Variants in NBEA observed in about 807,000 individuals in gnomAD.
The protein encoded by NBEA is lysosomal-trafficking regulator 2.
In NBEA, 44 loss-of-function variants were observed where a neutral mutation model predicts 343.4. The ratio of observed to expected loss-of-function variants is 0.13; its 90% CI spans 0.10 to 0.16. The LOEUF is 0.16. Ranked by LOEUF, NBEA falls within the 10% of genes least tolerant of loss-of-function variation. NBEA has a pLI of 1.00. For missense variants in NBEA, 2,555 were observed against 3,631.3 expected (o/e 0.70, Z 7.62); for synonymous variants, 1,175 against 1,238.7 (o/e 0.95, Z 1.08).
At chr13:35,102,350 A>G (rs1490078618) in intron 11 of NBEA, among the ~76,000 whole-genome samples, 1 of 151,630 alleles carries the variant, frequency 6.6e-6, no homozygotes, top group Non-Finnish European at 1.5e-5. Flanking sequence ...ATTTAAGAGT[A>G]TGTCATCTAG....
intron 38 of NBEA, among the ~76,000 whole-genome samples, chr13:35,426,920 C>G (rs1325739416): frequency 6.6e-6 from 1 of 152,154 alleles, no homozygotes; most frequent in Non-Finnish European, 1.5e-5. Context: ...TCCAGTTGAT[C>G]GCATCGGCTA....
At chr13:35,194,007 CAAAAG>C (rs1372696678) in intron 30 of NBEA, among the ~76,000 whole-genome samples, 5 of 151,472 alleles carry the variant, frequency 3.3e-5, no homozygotes, top group South Asian at 2.1e-4. Flanking sequence ...TAATTTGACT[CAAAAG>C]AAAAGGGGGA....
chr13:35,006,681 A>C (rs531730023), intron 1 of NBEA, among the ~76,000 whole-genome samples: 1 of 152,104 alleles, frequency 6.6e-6, no homozygotes, highest in African/African-American at 2.4e-5. Context: ...GCAATTTTTA[A>C]ATTTTTCCTT....
intron 38 of NBEA, among the ~76,000 whole-genome samples, chr13:35,359,848 G>GT (rs1307107845): frequency 1.3e-5 from 2 of 151,694 alleles, no homozygotes; most frequent in Non-Finnish European, 2.9e-5. Flanking sequence ...GTGTGTGTGT[G>GT]TGTGTGTGTG....
intron 34 of NBEA, among the ~76,000 whole-genome samples, chr13:35,250,319 C>T (rs1336539901): frequency 6.6e-6 from 1 of 152,026 alleles, no homozygotes; most frequent in East Asian, 1.9e-4. Context: ...CACAAAGAAA[C>T]TCCTACCAAT....
At position 35,252,172 on chromosome 13, in the gene NBEA, A is replaced by G. The variant is rs1036260180; in HGVS notation, c.5776+19553A>G. On this transcript the variant is annotated intron_variant, in intron 34 of 58. Coordinates refer to ENST00000379939, the MANE Select transcript of NBEA (RefSeq NM_001385012.1). ...TGGGGAGGCCTCAGGAAACTTAACA[A>G]TCATGGTGGAAGGGAAAGCAAGGTA... 2.0e-5 allele frequency among the ~76,000 whole-genome samples: 3 copies of G among 152,072 alleles called. No homozygotes were observed. The East Asian group carries it at 5.8e-4, about 29-fold the overall frequency.
chr13:35,345,030 G>A (rs1252691856), intron 36 of NBEA, among the ~76,000 whole-genome samples: 1 of 152,066 alleles, frequency 6.6e-6, no homozygotes, highest in Non-Finnish European at 1.5e-5. Context: ...GATAACATGT[G>A]TATGTGGGGC....
At chr13:35,415,587 G>T (rs190639777) in intron 38 of NBEA, among the ~76,000 whole-genome samples, 2 of 152,028 alleles carry the variant, frequency 1.3e-5, no homozygotes, top group East Asian at 3.9e-4. Flanking sequence ...TGTTCCATTG[G>T]TCTATGTCTC....
At chr13:35,160,366 C>T (rs2069470423) in intron 22 of NBEA, among the ~76,000 whole-genome samples, 1 of 152,056 alleles carries the variant, frequency 6.6e-6, no homozygotes, top group African/African-American at 2.4e-5. Context: ...ACTACATTTA[C>T]ACATTTTGTA....
chr13:35,444,901 A>C (rs1049357622), intron 39 of NBEA, among the ~76,000 whole-genome samples: 1 of 152,184 alleles, frequency 6.6e-6, no homozygotes, highest in African/African-American at 2.4e-5. Context: ...CATTACATTT[A>C]AAATGTAAGC....
At chr13:35,058,566 T>A (rs988525045) in intron 7 of NBEA, 151 bp from the exon 8 acceptor site, 1 of 672,448 alleles carries the variant, frequency 1.5e-6, no homozygotes, top group Non-Finnish European at 2.4e-6. Flanking sequence ...TGACTGGCAT[T>A]TATTATTAAA....
chr13:34,944,687 T>A lies in NBEA; in HGVS notation c.294+1573T>A, dbSNP rs553156138. On this transcript the variant is annotated intron_variant, in intron 1 of 58. Transcript: ENST00000379939. ...CCATTTCTTTTTAAAAGAAGATAAA[T>A]CTCAAACTGTTAGTATGTTAGCAGG... Among the ~76,000 whole-genome samples, 7 of 149,906 alleles carry A rather than the reference T, an allele frequency of 4.7e-5. No homozygotes were observed. The South Asian group carries it at 1.5e-3, about 32-fold the overall frequency.
chr13:35,553,941 G>A (rs1029896970), intron 43 of NBEA, among the ~76,000 whole-genome samples: 4 of 152,130 alleles, frequency 2.6e-5, no homozygotes, highest in African/African-American at 9.7e-5. Flanking sequence ...GGTGTTTGGT[G>A]GCTACTGTCT....
At chr13:35,622,561 C>G (rs2083040133) in intron 48 of NBEA, among the ~76,000 whole-genome samples, 1 of 152,160 alleles carries the variant, frequency 6.6e-6, no homozygotes, top group Non-Finnish European at 1.5e-5. Flanking sequence ...TCAAAGACAA[C>G]TATATTGTCT....
chr13:35,665,877 C>T (rs752468465), intron 56 of NBEA, among the ~76,000 whole-genome samples: 1 of 152,216 alleles, frequency 6.6e-6, no homozygotes, highest in Non-Finnish European at 1.5e-5. Flanking sequence ...ATCCACCCAC[C>T]TCAGCCTCCC....
intron 17 of NBEA, among the ~76,000 whole-genome samples, chr13:35,133,508 C>G (rs1430398678): frequency 6.6e-6 from 1 of 152,024 alleles, no homozygotes; most frequent in African/African-American, 2.4e-5. Context: ...GAGAAAGTCT[C>G]ATGTGTGTGA....
At chr13:35,173,301 A>C (rs575550295) in intron 26 of NBEA, among the ~76,000 whole-genome samples, 163 bp from the exon 27 acceptor site, 1 of 152,086 alleles carries the variant, frequency 6.6e-6, no homozygotes, top group African/African-American at 2.4e-5. Flanking sequence ...TACTTTCACT[A>C]CTGTATTTCA....
At chr13:35,230,499 A>C (rs1316430231) in intron 33 of NBEA, among the ~76,000 whole-genome samples, 3 of 152,138 alleles carry the variant, frequency 2.0e-5, no homozygotes, top group Admixed American at 1.3e-4. Context: ...TACTTCATTT[A>C]TAATTGAGCA....
At chr13:35,437,696 T>C (rs2045516073) in intron 39 of NBEA, among the ~76,000 whole-genome samples, 1 of 152,168 alleles carries the variant, frequency 6.6e-6, no homozygotes, top group South Asian at 2.1e-4. Context: ...TACCATGAAT[T>C]TTATGGACCA....
Sources: gnomAD v4.1 joint callset for allele counts (sites outside exome capture counted in the v4.1 genomes callset) on GRCh38, gnomAD v4.1.1 for gene constraint, MANE v1.5 for transcripts, NCBI Gene and HGNC (gene_info 2026-07-23, HGNC 2026-07-21) for gene names.